The following SIPA1L3 variants were observed in gnomAD, a reference collection of about 807,000 sequenced individuals.
SIPA1L3 encodes signal induced proliferation associated 1 like 3.
Under a neutral mutation model 150.1 loss-of-function variants are expected in SIPA1L3, and 59 were observed. The ratio of observed to expected loss-of-function variants is 0.39; its 90% CI spans 0.32 to 0.49. SIPA1L3 has a LOEUF of 0.49. Among genes scored for constraint, SIPA1L3 ranks in the 20% least tolerant of loss-of-function variants. The pLI is 0.86. For synonymous variants in SIPA1L3, 1,070 were observed against 1,077.6 expected (o/e 0.99, Z 0.14); for missense variants, 2,211 against 2,489.5 (o/e 0.89, Z 2.38).
At chr19:38,153,579 A>G (rs904844400) in intron 13 of SIPA1L3, among the ~76,000 whole-genome samples, 4 of 151,646 alleles carry the variant, frequency 2.6e-5, no homozygotes, top group Non-Finnish European at 5.9e-5. Flanking sequence ...CTGAGGCAGG[A>G]GAATCACTTG....
intron 1 of SIPA1L3, among the ~76,000 whole-genome samples, chr19:37,908,817 C>T (rs1599781665): frequency 6.6e-6 from 1 of 152,270 alleles, no homozygotes; most frequent in East Asian, 1.9e-4. Context: ...CACACCCCTC[C>T]CCACAGAGCC....
chr19:38,089,629 C>T (rs924602660), intron 4 of SIPA1L3, among the ~76,000 whole-genome samples: 2 of 152,186 alleles, frequency 1.3e-5, no homozygotes, highest in Non-Finnish European at 2.9e-5. Flanking sequence ...CAAGGTACTC[C>T]CAATGTGTCA....
intron 2 of SIPA1L3, among the ~76,000 whole-genome samples, chr19:38,067,721 C>T (rs1188457414): frequency 6.6e-6 from 1 of 151,396 alleles, no homozygotes; most frequent in Non-Finnish European, 1.5e-5. Flanking sequence ...GAGATCATGC[C>T]ACTGCACTCC....
intron 18 of SIPA1L3, among the ~76,000 whole-genome samples, chr19:38,197,800 G>A (rs2146060727): frequency 6.6e-6 from 1 of 152,038 alleles, no homozygotes; most frequent in South Asian, 2.1e-4. Context: ...CCCCACCCTG[G>A]TCCTGCCCAG....
At chr19:37,931,865 C>G (rs189958735) in intron 1 of SIPA1L3, among the ~76,000 whole-genome samples, 164 of 152,322 alleles carry the variant, frequency 1.1e-3, no homozygotes, top group African/African-American at 3.9e-3. Context: ...GACCTCCAGC[C>G]TATGACTTAT....
At chr19:38,128,476 C>T (rs1207772333) in intron 9 of SIPA1L3, among the ~76,000 whole-genome samples, 1 of 152,106 alleles carries the variant, frequency 6.6e-6, no homozygotes, top group Non-Finnish European at 1.5e-5. Context: ...AAGAATGTGA[C>T]GGATTTGAAT....
chr19:38,006,883 A>G (rs1194961035), intron 1 of SIPA1L3, among the ~76,000 whole-genome samples: 1 of 152,224 alleles, frequency 6.6e-6, no homozygotes, highest in Non-Finnish European at 1.5e-5. Context: ...GTCAGAGCAG[A>G]AAAGGGGAAA....
At chr19:38,005,456 G>A (rs531040729) in intron 1 of SIPA1L3, among the ~76,000 whole-genome samples, 1 of 152,020 alleles carries the variant, frequency 6.6e-6, no homozygotes, top group Non-Finnish European at 1.5e-5. Context: ...TGCTTTCTTG[G>A]TTCTCCCACC....
At chr19:37,947,714 T>C (rs1300766595) in intron 1 of SIPA1L3, among the ~76,000 whole-genome samples, 1 of 152,244 alleles carries the variant, frequency 6.6e-6, no homozygotes, top group Non-Finnish European at 1.5e-5. Context: ...AGAGGTGTCG[T>C]TTCTTGCGTG....
intron 18 of SIPA1L3, among the ~76,000 whole-genome samples, chr19:38,196,595 G>A (rs1049830285): frequency 1.7e-4 from 24 of 143,260 alleles, no homozygotes; most frequent in Middle Eastern, 4.0e-3. Flanking sequence ...GGTCAAGGGA[G>A]GAGCATGGAG....
chr19:37,994,436 G>A (rs1024605929), intron 1 of SIPA1L3, among the ~76,000 whole-genome samples: 5 of 152,100 alleles, frequency 3.3e-5, no homozygotes, highest in Non-Finnish European at 7.3e-5. Context: ...GTTTTTCAGC[G>A]GTGGAAAGGC....
chr19:38,148,675 C>A (rs1971752579), intron 12 of SIPA1L3, among the ~76,000 whole-genome samples: 1 of 152,160 alleles, frequency 6.6e-6, no homozygotes, highest in Admixed American at 6.5e-5. Context: ...TGCCCACAGT[C>A]CTGTCTGTTT....
chr19:37,974,524 A>C (rs1331338588), intron 1 of SIPA1L3, among the ~76,000 whole-genome samples: 1 of 152,096 alleles, frequency 6.6e-6, no homozygotes, highest in East Asian at 1.9e-4. Flanking sequence ...AAAAAAAAAA[A>C]AAAAAGTATT....
intron 19 of SIPA1L3, among the ~76,000 whole-genome samples, chr19:38,199,607 G>GGC (rs1973040683): frequency 1.3e-5 from 2 of 152,118 alleles, no homozygotes; most frequent in Non-Finnish European, 2.9e-5. Context: ...GAAGGTTACG[G>GGC]GGGAGAGGGG....
intron 15 of SIPA1L3, among the ~76,000 whole-genome samples, chr19:38,179,625 G>A: frequency 6.6e-6 from 1 of 151,760 alleles, no homozygotes; most frequent in South Asian, 2.1e-4. Context: ...TTTGTGCTCT[G>A]TTTATCATAA....
At chr19:38,152,160 C>A (rs544727994) in intron 12 of SIPA1L3, among the ~76,000 whole-genome samples, 40 of 152,236 alleles carry the variant, frequency 2.6e-4, no homozygotes, top group Admixed American at 1.4e-3. Flanking sequence ...ACCTCGTGAG[C>A]TGGGCGTGGT....
chr19:38,020,098 CTCTA>C (rs56024730), intron 1 of SIPA1L3, among the ~76,000 whole-genome samples: 42,829 of 151,704 alleles, frequency 0.28, 7,071 homozygotes, highest in East Asian at 0.68. Flanking sequence ...GTCTCTCTCT[CTCTA>C]TATATAAATA....
At chr19:37,922,569 G>C (rs1467886944) in intron 1 of SIPA1L3, among the ~76,000 whole-genome samples, 4 of 150,888 alleles carry the variant, frequency 2.7e-5, no homozygotes, top group African/African-American at 9.7e-5. Context: ...AATTTTTTGT[G>C]TTTGTAGTAG....
intron 10 of SIPA1L3, among the ~76,000 whole-genome samples, chr19:38,132,778 G>T (rs1157296413): frequency 6.6e-6 from 1 of 151,330 alleles, no homozygotes; most frequent in Admixed American, 6.6e-5. Context: ...CTCCTGAGTA[G>T]CTGGGATTAC....
Sources: gnomAD v4.1 joint callset for allele counts (sites outside exome capture counted in the v4.1 genomes callset) on GRCh38, gnomAD v4.1.1 for gene constraint, MANE v1.5 for transcripts, NCBI Gene and HGNC (gene_info 2026-07-23, HGNC 2026-07-21) for gene names.